Variants in RARB observed in about 807,000 individuals in gnomAD.
RARB encodes retinoic acid receptor beta, also known as HBV-activated protein.
RARB carries 17 observed loss-of-function variants against 51.9 expected under a neutral mutation model. The ratio of observed to expected loss-of-function variants is 0.33; its 90% CI spans 0.22 to 0.49. The LOEUF is 0.49. Ranked by LOEUF, RARB falls within the 20% of genes least tolerant of loss-of-function variation. The probability of loss-of-function intolerance (pLI) is 0.99; values close to 1 mark genes in which losing one functional copy is unlikely to be tolerated. For synonymous variants in RARB, 215 were observed against 195.4 expected (o/e 1.10, Z -0.84); for missense variants, 369 against 550.8 (o/e 0.67, Z 3.30).
Position 25,298,788 on chromosome 3 carries a change from T to C in RARB, c.178+124213T>C, listed in dbSNP as rs189308984. On this transcript the variant is annotated intron_variant, in intron 5 of 11. Coordinates refer to the RARB transcript ENST00000383772. ...AAAGGGATTTCTAATAACTTACGTT[T>C]ACAACCTGATTCATGGACATGGAGG... Among the ~76,000 whole-genome samples the C allele has an allele frequency of 2.6e-4, 40 of 152,316 alleles. 1 individual carries two copies. The highest frequency in any genetic ancestry group is 3.4e-3 in the Middle Eastern group (1 of 294).
intron 3 of RARB, among the ~76,000 whole-genome samples, chr3:25,072,320 C>A (rs767229278): frequency 6.6e-6 from 1 of 152,096 alleles, no homozygotes; most frequent in Non-Finnish European, 1.5e-5. Context: ...AGCCAGTCAC[C>A]GCCTTATGGG....
At chr3:25,317,621 C>A (rs1704462873) in intron 5 of RARB, among the ~76,000 whole-genome samples, 1 of 151,926 alleles carries the variant, frequency 6.6e-6, no homozygotes. Flanking sequence ...GGAAGGATAC[C>A]AAATTAGTGA....
chr3:25,044,405 C>T (rs1009161077), intron 2 of RARB, among the ~76,000 whole-genome samples: 1 of 151,950 alleles, frequency 6.6e-6, no homozygotes, highest in African/African-American at 2.4e-5. Context: ...GTATCCAGAC[C>T]CTTCATTAAT....
intron 5 of RARB, among the ~76,000 whole-genome samples, chr3:25,377,625 G>A (rs374262450): frequency 1.6e-4 from 24 of 152,224 alleles, no homozygotes; most frequent in African/African-American, 5.5e-4. Context: ...CTCTGAACTG[G>A]TTTATATAAG....
At chr3:24,930,599 T>C (rs1337238038) in intron 2 of RARB, among the ~76,000 whole-genome samples, 1 of 152,114 alleles carries the variant, frequency 6.6e-6, no homozygotes, top group African/African-American at 2.4e-5. Context: ...ATTAAATACA[T>C]GCTTGTCTAT....
At chr3:25,035,248 C>T (rs185251870) in intron 2 of RARB, among the ~76,000 whole-genome samples, 10 of 151,982 alleles carry the variant, frequency 6.6e-5, no homozygotes, top group East Asian at 1.9e-4. Flanking sequence ...CAGCCTCCCA[C>T]GTAGCTGGGA....
intron 5 of RARB, among the ~76,000 whole-genome samples, chr3:25,368,772 G>T (rs752316426): frequency 1.3e-5 from 2 of 152,138 alleles, no homozygotes; most frequent in Non-Finnish European, 2.9e-5. Flanking sequence ...CTGGCCTGGA[G>T]TCAGCCTGCA....
intron 5 of RARB, among the ~76,000 whole-genome samples, chr3:25,332,793 A>G (rs2125446050): frequency 6.6e-6 from 1 of 152,336 alleles, no homozygotes; most frequent in Admixed American, 6.5e-5. Flanking sequence ...TCTCAGCCCA[A>G]AATCTCCTTA....
At chr3:25,502,758 T>C (rs1298268964) in intron 3 of RARB, among the ~76,000 whole-genome samples, 2 of 152,108 alleles carry the variant, frequency 1.3e-5, no homozygotes, top group Non-Finnish European at 2.9e-5. Flanking sequence ...AGGAAACAGG[T>C]AGCCACAAGT....
intron 5 of RARB, among the ~76,000 whole-genome samples, chr3:25,181,844 A>T (rs1286202370): frequency 6.6e-6 from 1 of 152,032 alleles, no homozygotes; most frequent in Admixed American, 6.6e-5. Flanking sequence ...CATGTCACCG[A>T]TGGCAGTGCT....
chr3:25,040,304 C>G (rs778626334), intron 2 of RARB, among the ~76,000 whole-genome samples: 1 of 152,180 alleles, frequency 6.6e-6, no homozygotes, highest in Admixed American at 6.5e-5. Flanking sequence ...TTTCAACAAG[C>G]TTGCATCTGA....
At chr3:24,839,976 G>A (rs1559368413) in intron 1 of RARB, among the ~76,000 whole-genome samples, 2 of 152,272 alleles carry the variant, frequency 1.3e-5, no homozygotes, top group Non-Finnish European at 2.9e-5. Flanking sequence ...TGGTATCATA[G>A]CTGAGAGCAC....
chr3:25,059,455 G>A (rs1249039814), intron 2 of RARB, among the ~76,000 whole-genome samples: 1 of 151,400 alleles, frequency 6.6e-6, no homozygotes, highest in African/African-American at 2.4e-5. Flanking sequence ...ACTTTTACTT[G>A]GTACTTGTTT....
chr3:25,112,120 C>G (rs1699612385), intron 3 of RARB, among the ~76,000 whole-genome samples: 1 of 152,120 alleles, frequency 6.6e-6, no homozygotes, highest in African/African-American at 2.4e-5. Context: ...AAAGAACAGA[C>G]TCTTGTAGAA....
chr3:25,344,503 G>A (rs962829627), intron 5 of RARB, among the ~76,000 whole-genome samples: 2 of 152,172 alleles, frequency 1.3e-5, no homozygotes, highest in African/African-American at 4.8e-5. Flanking sequence ...ACTGAGTCAG[G>A]AATGGGCCTA....
intron 5 of RARB, among the ~76,000 whole-genome samples, chr3:25,325,480 C>A (rs1704687449): frequency 6.6e-6 from 1 of 152,062 alleles, no homozygotes; most frequent in Non-Finnish European, 1.5e-5. Flanking sequence ...TTATTTTACC[C>A]AGGCCCTGTT....
chr3:25,224,194 A>G (rs1345855844), intron 5 of RARB, among the ~76,000 whole-genome samples: 1 of 152,232 alleles, frequency 6.6e-6, no homozygotes, highest in Non-Finnish European at 1.5e-5. Context: ...TAGCCTATTA[A>G]TGCCCAACAA....
chr3:25,182,434 G>A (rs888454304), intron 5 of RARB, among the ~76,000 whole-genome samples: 12 of 152,168 alleles, frequency 7.9e-5, no homozygotes, highest in African/African-American at 2.9e-4. Flanking sequence ...GAAGGCATAT[G>A]GGGTTAGGAA....
intron 2 of RARB, among the ~76,000 whole-genome samples, chr3:24,870,812 C>T (rs1301775969): frequency 6.6e-6 from 1 of 152,068 alleles, no homozygotes; most frequent in Non-Finnish European, 1.5e-5. Context: ...TATAGGCATA[C>T]AATGTGTGAT....
Sources: gnomAD v4.1 joint callset for allele counts (sites outside exome capture counted in the v4.1 genomes callset) on GRCh38, gnomAD v4.1.1 for gene constraint, MANE v1.5 for transcripts, NCBI Gene and HGNC (gene_info 2026-07-23, HGNC 2026-07-21) for gene names.